The following SHD variants were observed in gnomAD, a reference collection of about 807,000 sequenced individuals.
SHD encodes SH2 domain-containing adapter protein D.
Under a neutral mutation model 31.2 loss-of-function variants are expected in SHD, and 29 were observed. The observed-to-expected ratio is 0.93, with a 90% CI of 0.69 to 1.27. The LOEUF is 1.27. SHD is among the 50% of genes most tolerant of loss of function. SHD has a pLI of 0.00. For missense variants in SHD, 520 were observed against 453.8 expected (o/e 1.15, Z -1.33); for synonymous variants, 208 against 187.8 (o/e 1.11, Z -0.88).
chr19:4,289,788 G>T (rs1490521467), intron 5 of SHD, among the ~76,000 whole-genome samples: 1 of 149,504 alleles, frequency 6.7e-6, no homozygotes, highest in East Asian at 2.0e-4. Flanking sequence ...AGCCAGGATG[G>T]TCTCCATCTC....
intron 1 of SHD, among the ~76,000 whole-genome samples, chr19:4,281,608 A>G (rs1435094411): frequency 2.6e-5 from 4 of 151,252 alleles, no homozygotes; most frequent in African/African-American, 9.7e-5. Context: ...AAATGCAAAA[A>G]TTAACCAGGC....
At chr19:4,288,149 C>T (rs945217873) in intron 4 of SHD, 94 bp from the exon 5 acceptor site, 3 of 1,419,620 alleles carry the variant, frequency 2.1e-6, no homozygotes, top group African/African-American at 1.4e-5. Flanking sequence ...AGGCAATCCG[C>T]CCGCGTCAGC....
At position 4,290,621 on chromosome 19, in the gene SHD, G is replaced by A. The variant is rs143161737; in HGVS notation, c.1011G>A (p.Thr337=). The A allele has an allele frequency of 1.5e-5, 24 of 1,608,044 alleles. No individual in the cohort carries two copies. The highest frequency in any genetic ancestry group is 2.0e-5 in the Non-Finnish European group (23 of 1,176,532). The change falls in exon 6 of 6, where the codon ACG becomes ACA. Residue 337 remains threonine (T), a synonymous_variant. Transcript: ENST00000543264. ...TGGCTCTGCTGTACCCCGTGGTCAC[G>A]CAGACCCCCTGACAGTGACCCTCGG... ...EHLALLYPVV[T]QTP is the part of the protein sequence containing the mutation.
intron 4 of SHD, 119 bp downstream of exon 4, chr19:4,285,023 C>T: frequency 5.7e-6 from 7 of 1,221,000 alleles, no homozygotes; most frequent in Non-Finnish European, 7.5e-6. Flanking sequence ...TCGATTCATT[C>T]ATCCACTTAT....
In SHD at chr19:4,279,770, C is replaced by A. The variant is rs1366300623; in HGVS notation, c.-294C>A. On this transcript the variant is annotated 5_prime_UTR_variant, in exon 1 of 6. Coordinates refer to ENST00000543264, the MANE Select transcript of SHD (RefSeq NM_020209.4). This position sits in a 1 kb window ranked among gnomAD's most constrained non-coding sequence, Gnocchi z 7.5. ...GGATGCCCCTCGCCCTAGCCCCCAG[C>A]GCGCGGGGTTCGGGGCCCTGCGAGG... The A allele has an allele frequency of 4.9e-6, 2 of 410,942 alleles. No homozygotes were observed. Among genetic ancestry groups the A allele is most frequent in the Non-Finnish European group, 8.7e-6 (2 of 229,888 alleles). 25.5% of individuals were successfully genotyped at this position (410,942 alleles called of 1,614,324 possible). A position where few individuals can be genotyped will look rare whatever the true frequency, so the allele number is the denominator to read the frequency against.
At chr19:4,281,758 CAATA>C (rs911065478) in intron 1 of SHD, among the ~76,000 whole-genome samples, 20 of 152,050 alleles carry the variant, frequency 1.3e-4, no homozygotes, top group Middle Eastern at 3.4e-3. Flanking sequence ...GACTCTGTCT[CAATA>C]AATAAATAAA....
Position 4,284,913 on chromosome 19 carries a change from G to A in SHD, c.716+9G>A. On this transcript the variant is annotated intron_variant, in intron 4 of 5. Transcript: ENST00000543264. ...CCCCTGGAGAAACAGCCGTGAGTGG[G>A]GAAGCTGAAGGTGGAAGAGCCCCGT... 1 of 1,582,000 alleles carries A rather than the reference G, an allele frequency of 6.3e-7. No homozygotes were observed. Among genetic ancestry groups the A allele is most frequent in the East Asian group, 2.3e-5 (1 of 43,534 alleles).
At chr19:4,283,015 G>T (rs777135297) in intron 2 of SHD, 39 bp from the exon 3 acceptor site, 3 of 1,614,004 alleles carry the variant, frequency 1.9e-6, no homozygotes, top group Admixed American at 1.7e-5. Context: ...CAGGGTCCCA[G>T]ATGGGAGCAG....
chr19:4,282,703 G>C (rs903916361), intron 1 of SHD, among the ~76,000 whole-genome samples, 167 bp from the exon 2 acceptor site: 1 of 151,802 alleles, frequency 6.6e-6, no homozygotes, highest in Non-Finnish European at 1.5e-5. Context: ...GTGACAGAGC[G>C]AGACTCCATC....
chr19:4,282,805 T>G (rs1387993647), intron 1 of SHD, 65 bp from the exon 2 acceptor site: 2 of 1,385,416 alleles, frequency 1.4e-6, no homozygotes, highest in African/African-American at 2.8e-5. Flanking sequence ...AGGCAAGAGG[T>G]GCAGCGTCAA....
chr19:4,288,450 G>T (rs1971343412), intron 5 of SHD, 88 bp downstream of exon 5: 1 of 1,441,136 alleles, frequency 6.9e-7, no homozygotes, highest in African/African-American at 1.4e-5. Flanking sequence ...GGAGGGTGTG[G>T]CTCCCGCAGC....
Position 4,279,698 on chromosome 19 carries a change from T to G in SHD, c.-366T>G. 1 of 194,592 alleles carries G rather than the reference T, an allele frequency of 5.1e-6. No homozygotes were observed. Among genetic ancestry groups the G allele is most frequent in the East Asian group, 1.2e-4 (1 of 8,438 alleles). The allele number at this position is 194,592 out of a possible 1,614,324, so 12.1% of individuals were successfully genotyped here. A position where few individuals can be genotyped will look rare whatever the true frequency, so the allele number is the denominator to read the frequency against. On this transcript the variant is annotated 5_prime_UTR_variant, in exon 1 of 6. Transcript: ENST00000543264. The surrounding 1 kb of genome is among the most constrained non-coding windows in gnomAD (Gnocchi z 7.5). The stretch of plus-strand genomic sequence containing the variant: ...TTCCTGGAGGCGGCGGGCGGCCGTG[T>G]CGCTCCAGGGAACCGCGCTGCCCGC...
intron 4 of SHD, among the ~76,000 whole-genome samples, chr19:4,286,269 TTC>T (rs1261612719): frequency 3.3e-5 from 4 of 122,442 alleles, no homozygotes; most frequent in Admixed American, 9.3e-5. Context: ...CTCTCTTTCT[TTC>T]TTTCTTTCTT....
intron 4 of SHD, among the ~76,000 whole-genome samples, chr19:4,286,227 TTTC>T (rs1430034290): frequency 2.7e-5 from 2 of 73,046 alleles, no homozygotes; most frequent in Non-Finnish European, 3.0e-5. Flanking sequence ...TCTTTCTTTC[TTTC>T]TTTTCTTTCT....
chr19:4,284,727 C>T (rs1406135828), intron 3 of SHD, 54 bp from the exon 4 acceptor site: 3 of 1,419,100 alleles, frequency 2.1e-6, no homozygotes, highest in Non-Finnish European at 2.8e-6. Flanking sequence ...GCCCCTGCCC[C>T]GCCCCCCAAG....
At position 4,281,985 on chromosome 19, in the gene SHD, G is replaced by A. The variant is rs79101361; in HGVS notation, c.298-885G>A. On this transcript the variant is annotated intron_variant, in intron 1 of 5. Coordinates refer to ENST00000543264, the MANE Select transcript of SHD (RefSeq NM_020209.4). ...AGGTAAATCCTTGACAATAGTGCAC[G>A]GAGAAGCACTGAAGTGGGCGAAGGA... Among the ~76,000 whole-genome samples, 135 of 152,278 alleles carry A rather than the reference G, an allele frequency of 8.9e-4. 1 individual carries two copies. In the East Asian group the frequency reaches 0.023, roughly 26 times the overall value.
chr19:4,290,688 C>G lies in SHD; in HGVS notation c.*55C>G. ...CGGGCCCAGAATCGTATCCCAAAGCCCTCCCATGGCCTAGAAAATAAATAA... is the reference window on the plus strand; with the variant it reads ...CGGGCCCAGAATCGTATCCCAAAGCGCTCCCATGGCCTAGAAAATAAATAA... On this transcript the variant is annotated 3_prime_UTR_variant, in exon 6 of 6. Transcript: ENST00000543264. 1 of 1,478,562 alleles carries G rather than the reference C, an allele frequency of 6.8e-7. No individual in the cohort carries two copies. Among genetic ancestry groups the G allele is most frequent in the Non-Finnish European group, 9.1e-7 (1 of 1,100,934 alleles). 91.6% of individuals were successfully genotyped at this position (1,478,562 alleles called of 1,614,324 possible).
intron 5 of SHD, among the ~76,000 whole-genome samples, chr19:4,289,081 C>T (rs1446931557): frequency 4.7e-5 from 7 of 148,234 alleles, no homozygotes; most frequent in Non-Finnish European, 7.4e-5. Flanking sequence ...AGACTTTCGG[C>T]GCATACCACC....
chr19:4,283,976 C>T (rs1971283403), intron 3 of SHD, among the ~76,000 whole-genome samples: 2 of 151,766 alleles, frequency 1.3e-5, no homozygotes, highest in African/African-American at 4.8e-5. Context: ...GTTTTCTCTT[C>T]TGTAAAAGAG....
Sources: allele counts gnomAD v4.1 joint callset (sites outside exome capture counted in the v4.1 genomes callset), GRCh38; gene constraint gnomAD v4.1.1; non-coding constraint Gnocchi (gnomAD v3.1); transcripts MANE v1.5; gene names NCBI Gene and HGNC (gene_info 2026-07-23, HGNC 2026-07-21).